Variants in DDAH1 observed in about 807,000 individuals in gnomAD.
DDAH1 encodes the protein N(G),N(G)-dimethylarginine dimethylaminohydrolase 1.
A neutral mutation model predicts 28.8 loss-of-function variants in DDAH1; 19 were observed. That is an observed-to-expected ratio of 0.66 (90% CI 0.46 to 0.97). The LOEUF (loss-of-function observed/expected upper bound fraction) is 0.97. Among genes scored for constraint, DDAH1 ranks in the 50% least tolerant of loss-of-function variants. The pLI is 0.00. For synonymous variants in DDAH1, 153 were observed against 154.4 expected, an observed-to-expected ratio of 0.99 and a Z score of 0.07; for missense variants, 326 against 375.9, an observed-to-expected ratio of 0.87 and a Z score of 1.10.
intron 1 of DDAH1, among the ~76,000 whole-genome samples, chr1:85,541,423 A>G (rs1486694956): frequency 6.6e-6 from 1 of 152,200 alleles, no homozygotes; most frequent in African/African-American, 2.4e-5. Flanking sequence ...AACCCTAAAT[A>G]TGTCTTGGCC....
Position 85,368,912 on chromosome 1 carries a change from T to C in DDAH1, c.304-10065A>G, listed in dbSNP as rs1498376. On this transcript the variant is annotated intron_variant, in intron 1 of 5. Transcript: ENST00000284031. Reference sequence around the variant, plus strand: ...AACAGATTAATGTATGGGAAATATTTTGTATGTTCAGTATACAATTTATAC... The same window carrying C: ...AACAGATTAATGTATGGGAAATATTCTGTATGTTCAGTATACAATTTATAC... Among the ~76,000 whole-genome samples the C allele has an allele frequency of 5.9e-3, 906 of 152,286 alleles. 13 individuals are homozygous for C. The highest frequency in any genetic ancestry group is 0.042 in the Admixed American group (649 of 15,292).
chr1:85,416,254 T>C (rs1212231851), intron 1 of DDAH1, among the ~76,000 whole-genome samples: 2 of 151,286 alleles, frequency 1.3e-5, no homozygotes, highest in African/African-American at 2.4e-5. Flanking sequence ...GTTTTTGTTT[T>C]TTTGGGTTTT....
intron 1 of DDAH1, among the ~76,000 whole-genome samples, chr1:85,527,680 A>G (rs1314234745): frequency 6.6e-6 from 1 of 152,242 alleles, no homozygotes; most frequent in Non-Finnish European, 1.5e-5. Flanking sequence ...TATAAACTTT[A>G]AAATAAAAAA....
At chr1:85,500,993 TA>T (rs1266681870) in intron 1 of DDAH1, among the ~76,000 whole-genome samples, 1 of 152,224 alleles carries the variant, frequency 6.6e-6, no homozygotes, top group African/African-American at 2.4e-5. Flanking sequence ...TTTAAAATTT[TA>T]AACATATTTA....
At chr1:85,383,712 A>ACCTT (rs2100913303) in intron 1 of DDAH1, among the ~76,000 whole-genome samples, 1 of 152,302 alleles carries the variant, frequency 6.6e-6, no homozygotes, top group Admixed American at 6.5e-5. Flanking sequence ...AGTCACCTCA[A>ACCTT]CCTTCAACAA....
intron 1 of DDAH1, among the ~76,000 whole-genome samples, chr1:85,559,273 C>T (rs2100802624): frequency 6.6e-6 from 1 of 152,240 alleles, no homozygotes; most frequent in Non-Finnish European, 1.5e-5. Context: ...TAGGACTGAA[C>T]TATCTCTTGA....
chr1:85,415,981 T>C (rs1652869301), intron 1 of DDAH1, among the ~76,000 whole-genome samples: 2 of 152,170 alleles, frequency 1.3e-5, no homozygotes, highest in Admixed American at 1.3e-4. Flanking sequence ...AGGAATTATC[T>C]ACTTATATAA....
intron 1 of DDAH1, among the ~76,000 whole-genome samples, chr1:85,565,756 T>C (rs1475061748): frequency 6.6e-6 from 1 of 152,238 alleles, no homozygotes; most frequent in African/African-American, 2.4e-5. Flanking sequence ...TCTCATTTTG[T>C]ATATCTTTCT....
chr1:85,483,503 A>G (rs1054450065), intron 2 of DDAH1, among the ~76,000 whole-genome samples: 4 of 152,196 alleles, frequency 2.6e-5, no homozygotes, highest in South Asian at 4.1e-4. Context: ...CTTACCCAAA[A>G]TATTTGATGC....
chr1:85,498,494 T>A (rs1011219271), intron 1 of DDAH1, among the ~76,000 whole-genome samples: 2 of 152,230 alleles, frequency 1.3e-5, no homozygotes, highest in Admixed American at 1.3e-4. Context: ...TTTTTTATAC[T>A]ACACATGTAG....
chr1:85,533,721 G>A lies in DDAH1; in HGVS notation c.-122-37440C>T, dbSNP rs532520905. Among the ~76,000 whole-genome samples, 3 of 152,258 alleles carry A rather than the reference G, an allele frequency of 2.0e-5. No individual in the cohort carries two copies. The South Asian group carries it at 6.2e-4, about 32-fold the overall frequency. Reference sequence around the variant, plus strand: ...GCTCACTAATTAGATATGTGACCTAGTGCAAGATACCTATTCTGCCCTACT... The same window carrying A: ...GCTCACTAATTAGATATGTGACCTAATGCAAGATACCTATTCTGCCCTACT... On this transcript the variant is annotated intron_variant, in intron 1 of 6. Coordinates refer to the DDAH1 transcript ENST00000426972.
At chr1:85,449,622 C>T (rs1397019788) in intron 1 of DDAH1, among the ~76,000 whole-genome samples, 3 of 152,022 alleles carry the variant, frequency 2.0e-5, no homozygotes, top group African/African-American at 7.2e-5. Context: ...ACAGGATAAA[C>T]GATACTGCTG....
intron 1 of DDAH1, chr1:85,576,001 T>G (rs909940345): frequency 6.6e-6 from 1 of 151,928 alleles, no homozygotes; most frequent in Non-Finnish European, 1.5e-5. Context: ...ACATGGCACA[T>G]GTATACATAT....
chr1:85,484,774 C>G (rs2100721073), intron 2 of DDAH1, among the ~76,000 whole-genome samples: 1 of 152,284 alleles, frequency 6.6e-6, no homozygotes, highest in Non-Finnish European at 1.5e-5. Flanking sequence ...CTCAGTAACC[C>G]TATCACCAGA....
chr1:85,564,666 G>A (rs866889501), intron 1 of DDAH1, among the ~76,000 whole-genome samples: 4 of 151,890 alleles, frequency 2.6e-5, no homozygotes, highest in African/African-American at 7.3e-5. Context: ...TTAGGAGTTC[G>A]AAACCAGCCT....
At chr1:85,498,833 A>G (rs1038958059) in intron 1 of DDAH1, among the ~76,000 whole-genome samples, 2 of 152,158 alleles carry the variant, frequency 1.3e-5, no homozygotes, top group Non-Finnish European at 2.9e-5. Flanking sequence ...GAGGTAGGAG[A>G]ACCGCTTGAA....
At chr1:85,443,590 G>A (rs1570551496) in intron 1 of DDAH1, among the ~76,000 whole-genome samples, 1 of 152,240 alleles carries the variant, frequency 6.6e-6, no homozygotes, top group East Asian at 1.9e-4. Flanking sequence ...TGATGGGGAT[G>A]GCATTGAATC....
intron 1 of DDAH1, among the ~76,000 whole-genome samples, chr1:85,433,971 A>G (rs921768572): frequency 6.6e-6 from 1 of 152,172 alleles, no homozygotes; most frequent in South Asian, 2.1e-4. Context: ...GATTCAAAAA[A>G]ATAATTTAAC....
At chr1:85,490,289 A>G (rs1656344703) in intron 2 of DDAH1, among the ~76,000 whole-genome samples, 1 of 152,220 alleles carries the variant, frequency 6.6e-6, no homozygotes, top group South Asian at 2.1e-4. Context: ...GGTAACCTTG[A>G]ATTGAGGGCT....
Sources: allele counts gnomAD v4.1 joint callset (sites outside exome capture counted in the v4.1 genomes callset), GRCh38; gene constraint gnomAD v4.1.1; transcripts MANE v1.5; gene names NCBI Gene and HGNC (gene_info 2026-07-23, HGNC 2026-07-21).